ANK3: variants seen among roughly 807,000 people sequenced by gnomAD.
ANK3 encodes the protein ankyrin 3.
A neutral mutation model predicts 370.9 loss-of-function variants in ANK3; 57 were observed. That is an observed-to-expected ratio of 0.15 (90% confidence interval 0.12 to 0.19). ANK3 has a LOEUF of 0.19. ANK3 is among the 10% of genes least tolerant of loss of function. The probability of loss-of-function intolerance (pLI) is 1.00; values close to 1 mark genes in which losing one functional copy is unlikely to be tolerated. For missense variants in ANK3, 4,439 were observed against 5,302.1 expected (o/e 0.84, Z 5.06); for synonymous variants, 1,929 against 1,946.3 (o/e 0.99, Z 0.23).
chr10:60,152,315 T>G (rs1215828399), intron 23 of ANK3, among the ~76,000 whole-genome samples: 1 of 152,182 alleles, frequency 6.6e-6, no homozygotes, highest in Non-Finnish European at 1.5e-5. Context: ...GGCCTGTTGA[T>G]TTAGGTATTA....
At chr10:60,292,019 G>A (rs1300966447) in intron 1 of ANK3, among the ~76,000 whole-genome samples, 2 of 152,152 alleles carry the variant, frequency 1.3e-5, no homozygotes, top group African/African-American at 2.4e-5. Context: ...AGCTCAAGAT[G>A]TTTTTCAAAT....
At chr10:60,294,734 T>C (rs1243570063) in intron 1 of ANK3, among the ~76,000 whole-genome samples, 2 of 152,206 alleles carry the variant, frequency 1.3e-5, no homozygotes, top group African/African-American at 2.4e-5. Flanking sequence ...GACAGATAGA[T>C]AGATAGACTG....
rs138027619 is a variant in ANK3, at chr10:60,258,524, C to T, written c.798+3335G>A. Among the ~76,000 whole-genome samples the T allele has an allele frequency of 1.1e-3, 173 of 152,334 alleles. 2 individuals carry two copies. In the East Asian group the frequency reaches 0.017, roughly 15 times the overall value. On this transcript the variant is annotated intron_variant, in intron 7 of 43. Coordinates refer to ENST00000280772, the MANE Select transcript of ANK3 (RefSeq NM_020987.5). The stretch of plus-strand genomic sequence containing the variant: ...CCACTGACTGGGACCTGCTTTACTG[C>T]TGCATGAATTAGTTGGCACTACAAA...
rs554060307 is a variant in ANK3, at chr10:60,172,830, G to A, written c.2382+70C>T. The A allele has an allele frequency of 7.3e-6, 7 of 958,088 alleles. No homozygotes were observed. In the East Asian group the frequency reaches 9.6e-5, roughly 13 times the overall value. 59.3% of individuals were successfully genotyped at this position (958,088 alleles called of 1,614,324 possible). On this transcript the variant is annotated intron_variant, in intron 20 of 43. Transcript: ENST00000280772. ...TCTTCATGAAAGTACAATGAAAAAC[G>A]TAAGAAGACACCAGAGTCCAGGCCC...
At chr10:60,037,540 G>T (rs1413295517) in intron 43 of ANK3, among the ~76,000 whole-genome samples, 1 of 152,080 alleles carries the variant, frequency 6.6e-6, no homozygotes, top group East Asian at 1.9e-4. Flanking sequence ...AGAACATATG[G>T]TATTTGGTTT....
intron 1 of ANK3, among the ~76,000 whole-genome samples, chr10:60,317,938 G>T (rs1035748383): frequency 3.3e-5 from 5 of 151,800 alleles, no homozygotes; most frequent in Non-Finnish European, 7.4e-5. Context: ...GGATGGTCTC[G>T]ATCTCCTGAC....
chr10:60,281,590 C>T (rs11592290), intron 1 of ANK3, among the ~76,000 whole-genome samples: 23,875 of 152,096 alleles, frequency 0.16, 2,013 homozygotes, highest in African/African-American at 0.2. Flanking sequence ...CTGTTTCCCC[C>T]GCAACTGGAA....
At chr10:60,708,921 G>A (rs1596197) in intron 1 of ANK3, among the ~76,000 whole-genome samples, 101,992 of 151,718 alleles carry the variant, frequency 0.67, 34,347 homozygotes, top group South Asian at 0.83. Flanking sequence ...AGACAAAAAC[G>A]AAGATACTAT....
intron 1 of ANK3, among the ~76,000 whole-genome samples, chr10:60,355,202 A>C (rs1042404926): frequency 6.6e-6 from 1 of 152,152 alleles, no homozygotes; most frequent in Non-Finnish European, 1.5e-5. Flanking sequence ...TTCTTTCAAT[A>C]ATCTACATTT....
chr10:60,403,759 A>G (rs1289012197), intron 2 of ANK3, among the ~76,000 whole-genome samples: 5 of 152,336 alleles, frequency 3.3e-5, no homozygotes, highest in South Asian at 2.1e-4. Context: ...AGCCAGTATA[A>G]TAAGGCAAAG....
At chr10:60,347,060 T>G (rs988442242) in intron 1 of ANK3, among the ~76,000 whole-genome samples, 52 of 149,786 alleles carry the variant, frequency 3.5e-4, no homozygotes, top group African/African-American at 9.8e-4. Context: ...ATATGATATA[T>G]ATATATATAT....
At chr10:60,113,574 G>A (rs1334958242) in intron 26 of ANK3, among the ~76,000 whole-genome samples, 1 of 152,140 alleles carries the variant, frequency 6.6e-6, no homozygotes, top group Non-Finnish European at 1.5e-5. Context: ...TCCGAGCATG[G>A]TGGTGCACAC....
chr10:60,522,232 A>G (rs544737919), intron 2 of ANK3, among the ~76,000 whole-genome samples: 1 of 151,964 alleles, frequency 6.6e-6, no homozygotes, highest in Non-Finnish European at 1.5e-5. Context: ...CCGTTTAGCC[A>G]GGTGTTTCCA....
In ANK3 at chr10:60,351,990, A is replaced by G. The variant is rs555105395; in HGVS notation, c.114+37435T>C. ...GAAATTTATTCTCATGTTCATTTGAATTCTGTATTAAAATAAATAGCAAGG... is the reference window on the plus strand; with the variant it reads ...GAAATTTATTCTCATGTTCATTTGAGTTCTGTATTAAAATAAATAGCAAGG... On this transcript the variant is annotated intron_variant, in intron 1 of 43. Coordinates refer to ENST00000280772, the MANE Select transcript of ANK3 (RefSeq NM_020987.5). Among the ~76,000 whole-genome samples the G allele has an allele frequency of 3.3e-5, 5 of 152,350 alleles. 1 individual carries two copies. In the East Asian group the frequency reaches 5.8e-4, roughly 18 times the overall value.
chr10:60,676,702 A>G (rs1285871429), intron 1 of ANK3, among the ~76,000 whole-genome samples: 1 of 152,232 alleles, frequency 6.6e-6, no homozygotes, highest in African/African-American at 2.4e-5. Context: ...ATGCTTAACT[A>G]TGATGAAAGG....
Position 60,088,160 on chromosome 10 carries a change from C to T in ANK3, c.3527G>A (p.Arg1176Gln), listed in dbSNP as rs1057524303. 3.1e-6 allele frequency: 5 copies of T among 1,614,086 alleles called. No individual in the cohort carries two copies. Among genetic ancestry groups the T allele is most frequent in the Non-Finnish European group, 4.2e-6 (5 of 1,179,970 alleles). The change falls in exon 29 of 44, where the codon CGA (arginine) becomes CAA (glutamine). Residue 1176 changes from arginine (R) to glutamine (Q), a missense_variant. Physicochemically the swap from Arg to Gln is conservative, Grantham distance 43. Coordinates refer to ENST00000280772, the MANE Select transcript of ANK3 (RefSeq NM_020987.5). ...FPEGALTKRIRVGLQAQPVPD... is the reference protein window; with the variant it reads ...FPEGALTKRIQVGLQAQPVPD... ...TGTGAACATTACCTGGAGGCCCACT[C>T]GAATTCTTTTAGTTAGGGCACCCTC...
intron 7 of ANK3, among the ~76,000 whole-genome samples, chr10:60,256,414 G>A (rs1212669552): frequency 6.6e-6 from 1 of 152,206 alleles, no homozygotes; most frequent in Non-Finnish European, 1.5e-5. Context: ...GCTCATCCAT[G>A]GATACTGTTT....
At chr10:60,567,367 T>C (rs2077488377) in intron 2 of ANK3, among the ~76,000 whole-genome samples, 3 of 152,164 alleles carry the variant, frequency 2.0e-5, no homozygotes, top group African/African-American at 4.8e-5. Context: ...GCTTGTGATA[T>C]ATACATGGAA....
intron 3 of ANK3, 53 bp downstream of exon 3, chr10:60,278,997 T>A: frequency 6.3e-7 from 1 of 1,583,916 alleles, no homozygotes; most frequent in Non-Finnish European, 8.7e-7. Flanking sequence ...GAGGGCTGAA[T>A]CCTCACAGAA....
Sources: allele counts gnomAD v4.1 joint callset (sites outside exome capture counted in the v4.1 genomes callset), GRCh38; gene constraint gnomAD v4.1.1; transcripts MANE v1.5; gene names NCBI Gene and HGNC (gene_info 2026-07-23, HGNC 2026-07-21).